Variants in TNRC18 observed in about 807,000 individuals in gnomAD.
TNRC18 encodes the protein trinucleotide repeat-containing gene 18 protein.
A neutral mutation model predicts 226.7 loss-of-function variants in TNRC18; 69 were observed. The observed-to-expected ratio is 0.30, with a 90% CI of 0.25 to 0.37. TNRC18 has a LOEUF of 0.37. Ranked by LOEUF, TNRC18 falls within the 10% of genes least tolerant of loss-of-function variation. The pLI is 1.00. For synonymous variants in TNRC18, 2,449 were observed against 1,927.6 expected, an observed-to-expected ratio of 1.27 and a Z score of -7.09; for missense variants, 4,754 against 4,256.6, an observed-to-expected ratio of 1.12 and a Z score of -3.25.
rs142153526 is a variant in TNRC18 at position 5,349,487 on chromosome 7, G to A, written c.5470+2332C>T. 7.9e-5 allele frequency among the ~76,000 whole-genome samples: 12 copies of A among 152,324 alleles called. No homozygotes were observed. The South Asian group carries it at 1.7e-3, about 21-fold the overall frequency. ...TCTTGGCTCAGGACATGGGGTTGGC[G>A]GTGACAGGTTGGTGGTAAATGTCAG... On this transcript the variant is annotated intron_variant, in intron 17 of 29. Transcript: ENST00000430969.
intron 11 of TNRC18, among the ~76,000 whole-genome samples, chr7:5,368,580 G>C (rs539435995): frequency 2.7e-5 from 4 of 146,370 alleles, no homozygotes; most frequent in Non-Finnish European, 5.9e-5. Flanking sequence ...AGGAAAAATC[G>C]CTTGAACCTG....
intron 18 of TNRC18, among the ~76,000 whole-genome samples, chr7:5,336,481 C>T (rs1790129364): frequency 6.6e-6 from 1 of 152,172 alleles, no homozygotes. Context: ...CAGTGGCTCA[C>T]ACCTATAATC....
At chr7:5,314,384 A>G (rs2128106392) in intron 26 of TNRC18, among the ~76,000 whole-genome samples, 1 of 152,108 alleles carries the variant, frequency 6.6e-6, no homozygotes, top group Middle Eastern at 3.4e-3. Flanking sequence ...GTTGGCCCCA[A>G]AGCGGGTCCT....
At chr7:5,322,934 G>C (rs983431273) in intron 21 of TNRC18, among the ~76,000 whole-genome samples, 1 of 152,192 alleles carries the variant, frequency 6.6e-6, no homozygotes, top group Non-Finnish European at 1.5e-5. Context: ...GCCCAATGCT[G>C]AGCCTAGGCC....
chr7:5,387,889 C>T lies in TNRC18; in HGVS notation c.1935G>A (p.Ala645=), dbSNP rs1246803622. 8.2e-6 allele frequency: 13 copies of T among 1,590,560 alleles called. 1 individual carries two copies. The East Asian group carries it at 1.8e-4, about 22-fold the overall frequency. The change falls in exon 5 of 30, where the codon GCG becomes GCA. Residue 645 remains alanine, a synonymous_variant. Coordinates refer to ENST00000430969, the MANE Select transcript of TNRC18 (RefSeq NM_001080495.3). The part of the protein sequence containing the change: ...ARLPHSGGPA[A]GGGRQLKRDP... ...CCCGCTTCAGCTGCCGGCCGCCGCC[C>T]GCTGCAGGGCCTCCGGAGTGTGGGA...
At chr7:5,409,000 G>A (rs896538171) in intron 2 of TNRC18, among the ~76,000 whole-genome samples, 1 of 152,092 alleles carries the variant, frequency 6.6e-6, no homozygotes, top group African/African-American at 2.4e-5. Context: ...TCTTGGGACA[G>A]GAACAGCCTG....
rs1789633922 is a variant in TNRC18, at chr7:5,332,503, A to G, written c.6147+119T>C. The G allele has an allele frequency of 7.7e-6, 9 of 1,171,996 alleles. No homozygotes were observed. The South Asian group carries it at 1.4e-4, about 18-fold the overall frequency. The allele number at this position is 1,171,996 out of a possible 1,614,324, so 72.6% of individuals were successfully genotyped here. On this transcript the variant is annotated intron_variant, in intron 19 of 29. Coordinates refer to ENST00000430969, the MANE Select transcript of TNRC18 (RefSeq NM_001080495.3). ...TAGCAGGGGCTCCGGGCGGGCCTGGAGCCGAGTACATGGTTATTAACAGTG... is the reference window on the plus strand; with the variant it reads ...TAGCAGGGGCTCCGGGCGGGCCTGGGGCCGAGTACATGGTTATTAACAGTG...
At chr7:5,402,406 G>T (rs987077835) in intron 2 of TNRC18, among the ~76,000 whole-genome samples, 2 of 151,660 alleles carry the variant, frequency 1.3e-5, no homozygotes, top group African/African-American at 4.8e-5. Flanking sequence ...ATGGCGGTGT[G>T]GGCCTGTAAT....
intron 21 of TNRC18, 107 bp from the exon 22 acceptor site, chr7:5,321,297 C>T (rs1053058275): frequency 5.1e-6 from 4 of 783,696 alleles, no homozygotes; most frequent in Non-Finnish European, 6.2e-6. Context: ...GGCCCTGGTA[C>T]CGGGTGGGCC....
At chr7:5,403,456 G>A (rs183939262) in intron 2 of TNRC18, among the ~76,000 whole-genome samples, 7 of 151,868 alleles carry the variant, frequency 4.6e-5, no homozygotes, top group South Asian at 2.1e-4. Flanking sequence ...CACCATGCCC[G>A]GTTTATCTTC....
chr7:5,351,700 C>T (rs1791830661), intron 17 of TNRC18, 119 bp downstream of exon 17: 1 of 1,179,350 alleles, frequency 8.5e-7, no homozygotes, highest in Admixed American at 2.9e-5. Context: ...TTGCGGCCAT[C>T]CGCACGGGCC....
chr7:5,387,832 G>T lies in TNRC18; in HGVS notation c.1992C>A (p.Phe664Leu). 6.2e-7 allele frequency: 1 copy of T among 1,606,206 alleles called. No individual in the cohort carries two copies. Among genetic ancestry groups the T allele is most frequent in the Non-Finnish European group, 8.5e-7 (1 of 1,179,238 alleles). Residue 664 changes from phenylalanine to leucine, a missense_variant, in exon 5 of 30, where the codon TTC becomes TTA. Coordinates refer to ENST00000430969, the MANE Select transcript of TNRC18 (RefSeq NM_001080495.3). ...DPERPESAKAFGREGSGAQGE... is the reference protein window; with the variant it reads ...DPERPESAKALGREGSGAQGE... ...CCTGGGCACCAGAGCCCTCGCGCCC[G>T]AAAGCTTTGGCGCTCTCGGGCCTCT...
At chr7:5,343,270 C>T (rs1335850172) in intron 18 of TNRC18, among the ~76,000 whole-genome samples, 4 of 152,120 alleles carry the variant, frequency 2.6e-5, no homozygotes, top group African/African-American at 9.7e-5. Context: ...AGGAGAATCA[C>T]TTGAATCCAG....
At chr7:5,319,354 G>T (rs1435651825) in intron 24 of TNRC18, among the ~76,000 whole-genome samples, 1 of 151,944 alleles carries the variant, frequency 6.6e-6, no homozygotes, top group Non-Finnish European at 1.5e-5. Context: ...TTTTTGCACG[G>T]GCGGGGTTTG....
intron 18 of TNRC18, among the ~76,000 whole-genome samples, chr7:5,344,796 C>T (rs1430523469): frequency 2.0e-5 from 3 of 152,178 alleles, no homozygotes; most frequent in South Asian, 2.1e-4. Flanking sequence ...AGGTGAGCTG[C>T]GTCCGTGTGA....
chr7:5,345,347 T>A (rs1453804043), intron 18 of TNRC18, among the ~76,000 whole-genome samples: 1 of 152,156 alleles, frequency 6.6e-6, no homozygotes, highest in Non-Finnish European at 1.5e-5. Flanking sequence ...GGTCGCCCTT[T>A]GCAAGGCGAA....
In TNRC18 at chr7:5,388,979, G is replaced by A; in HGVS notation, c.845C>T (p.Thr282Ile). ...GTCCCCGGCGCCGCCGTTGCACATG[G>A]TCAGTACCGACGGCTGCAGCGCCGC... ...KNAALQPSVL[T>I]MCNGGAGDVG... is the part of the protein sequence containing the mutation. Residue 282 changes from threonine to isoleucine, a missense_variant, in exon 5 of 30, where the codon ACC (threonine) becomes ATC (isoleucine). Coordinates refer to ENST00000430969, the MANE Select transcript of TNRC18 (RefSeq NM_001080495.3). The A allele has an allele frequency of 2.2e-6, 3 of 1,389,876 alleles. No homozygotes were observed. The highest frequency in any genetic ancestry group is 3.6e-5 in the East Asian group (1 of 27,752). 86.1% of individuals were successfully genotyped at this position (1,389,876 alleles called of 1,614,324 possible). A position where few individuals can be genotyped will look rare whatever the true frequency, so the allele number is the denominator to read the frequency against.
At chr7:5,391,278 A>C (rs537307898) in intron 3 of TNRC18, among the ~76,000 whole-genome samples, 1 of 151,698 alleles carries the variant, frequency 6.6e-6, no homozygotes, top group South Asian at 2.1e-4. Context: ...AGCAATGCCC[A>C]GCACCAGCAT....
At chr7:5,405,600 A>T (rs1052576439) in intron 2 of TNRC18, among the ~76,000 whole-genome samples, 4 of 152,036 alleles carry the variant, frequency 2.6e-5, no homozygotes, top group African/African-American at 9.7e-5. Flanking sequence ...ACAAAAAGCC[A>T]GACATGGTAG....
Sources: gnomAD v4.1 joint callset for allele counts (sites outside exome capture counted in the v4.1 genomes callset) on GRCh38, gnomAD v4.1.1 for gene constraint, MANE v1.5 for transcripts, NCBI Gene and HGNC (gene_info 2026-07-23, HGNC 2026-07-21) for gene names.